The following CCDC171 variants were observed in gnomAD, a reference collection of about 807,000 sequenced individuals.
The protein encoded by CCDC171 is coiled-coil domain-containing protein 171.
CCDC171 carries 177 observed loss-of-function variants against 168.2 expected under a neutral mutation model. That is an observed-to-expected ratio of 1.05 (90% confidence interval 0.93 to 1.19). The LOEUF (loss-of-function observed/expected upper bound fraction) is 1.19, where lower values mean the gene tolerates loss of function less well. Ranked by LOEUF, CCDC171 falls within the 50% of genes most tolerant of loss-of-function variation. CCDC171 has a pLI of 0.00. For synonymous variants in CCDC171, 687 were observed against 540.8 expected (o/e 1.27, Z -3.75); for missense variants, 1,991 against 1,539.0 (o/e 1.29, Z -4.91).
At chr9:15,775,366 T>G (rs1488199549) in intron 18 of CCDC171, among the ~76,000 whole-genome samples, 1 of 152,210 alleles carries the variant, frequency 6.6e-6, no homozygotes, top group Non-Finnish European at 1.5e-5. Context: ...GTTTGTTTAT[T>G]TATTTATTCC....
At chr9:15,637,620 TC>T (rs890588851) in intron 7 of CCDC171, among the ~76,000 whole-genome samples, 5 of 69,392 alleles carry the variant, frequency 7.2e-5, no homozygotes, top group East Asian at 5.3e-4. Context: ...CCCTCCCCCC[TC>T]CCCCCACCCC....
intron 25 of CCDC171, among the ~76,000 whole-genome samples, chr9:15,928,109 G>C (rs1826088753): frequency 6.6e-6 from 1 of 151,612 alleles, no homozygotes; most frequent in Non-Finnish European, 1.5e-5. Flanking sequence ...CTGATTCCCT[G>C]TCAGGTGCTT....
At chr9:16,012,411 T>C (rs1487076765) in intron 3 of CCDC171, among the ~76,000 whole-genome samples, 5 of 152,332 alleles carry the variant, frequency 3.3e-5, no homozygotes, top group African/African-American at 1.2e-4. Flanking sequence ...CTTTGGTTGG[T>C]CAGAGGTTGG....
chr9:15,710,091 C>A, intron 11 of CCDC171, among the ~76,000 whole-genome samples: 1 of 152,018 alleles, frequency 6.6e-6, no homozygotes, highest in East Asian at 1.9e-4. Flanking sequence ...AAATATTTAA[C>A]TTTGACTCTA....
At chr9:15,910,446 C>G (rs1823456625) in intron 24 of CCDC171, among the ~76,000 whole-genome samples, 1 of 152,062 alleles carries the variant, frequency 6.6e-6, no homozygotes, top group African/African-American at 2.4e-5. Context: ...TGTGCTAGTA[C>G]CATGCTATTT....
intron 25 of CCDC171, among the ~76,000 whole-genome samples, chr9:15,924,753 C>A (rs1306632603): frequency 6.6e-6 from 1 of 151,452 alleles, no homozygotes. Context: ...GCTTTGGTAC[C>A]ATCTGACTTT....
chr9:15,560,520 G>A (rs906781163), intron 1 of CCDC171, among the ~76,000 whole-genome samples: 24 of 151,678 alleles, frequency 1.6e-4, no homozygotes, highest in African/African-American at 5.6e-4. Context: ...TGATCAAATC[G>A]GCTACTGAAG....
intron 3 of CCDC171, among the ~76,000 whole-genome samples, chr9:16,002,402 G>T (rs1322421544): frequency 6.6e-6 from 1 of 151,652 alleles, no homozygotes; most frequent in Non-Finnish European, 1.5e-5. Flanking sequence ...TAACAAAAAG[G>T]TTCAGAAATT....
At chr9:15,602,261 G>T (rs546910545) in intron 6 of CCDC171, among the ~76,000 whole-genome samples, 116 of 146,108 alleles carry the variant, frequency 7.9e-4, no homozygotes, top group Non-Finnish European at 1.1e-3. Context: ...CTGAGGGATA[G>T]AGTGAAATTT....
chr9:16,067,744 C>A, the CCDC171 span, among the ~76,000 whole-genome samples: 1 of 152,134 alleles, frequency 6.6e-6, no homozygotes, highest in African/African-American at 2.4e-5. Flanking sequence ...GCTCGTTTTT[C>A]TCAGGTTTGT....
chr9:15,805,545 G>T (rs1463239693), intron 21 of CCDC171, among the ~76,000 whole-genome samples: 1 of 152,094 alleles, frequency 6.6e-6, no homozygotes, highest in Non-Finnish European at 1.5e-5. Context: ...CCATGTAATT[G>T]TGTGTTTTCC....
intron 6 of CCDC171, among the ~76,000 whole-genome samples, chr9:15,622,251 A>G (rs1000031857): frequency 6.6e-6 from 1 of 152,196 alleles, no homozygotes; most frequent in Non-Finnish European, 1.5e-5. Context: ...TACCTATATA[A>G]CAAACCTACA....
rs140272674 is a variant in CCDC171, at chr9:15,737,932, C to T, written c.2050-6341C>T. ...GCAATGTCTGAGAGTTCCAATTTCC[C>T]TACAAAGTGTCCTTATTTTTTAACA... On this transcript the variant is annotated intron_variant, in intron 16 of 25. Transcript: ENST00000380701. Among the ~76,000 whole-genome samples the T allele has an allele frequency of 5.3e-4, 81 of 152,232 alleles. 2 individuals are homozygous for T. In the East Asian group the frequency reaches 7.5e-3, roughly 14 times the overall value.
At chr9:15,835,648 A>G (rs376285205) in intron 21 of CCDC171, among the ~76,000 whole-genome samples, 11 of 152,286 alleles carry the variant, frequency 7.2e-5, no homozygotes, top group African/African-American at 2.6e-4. Context: ...GCTGGTCTCG[A>G]ACTCCTGACC....
intron 7 of CCDC171, among the ~76,000 whole-genome samples, chr9:15,628,545 C>A (rs562744205): frequency 6.6e-6 from 1 of 152,332 alleles, no homozygotes; most frequent in African/African-American, 2.4e-5. Context: ...TTGGGTGGAG[C>A]CCACCACAGC....
the CCDC171 span, among the ~76,000 whole-genome samples, chr9:16,070,767 G>A: frequency 6.6e-6 from 1 of 152,110 alleles, no homozygotes; most frequent in African/African-American, 2.4e-5. Flanking sequence ...CTCCACCCTC[G>A]GCTTCTTAAA....
chr9:15,648,149 C>T (rs1315758469), intron 7 of CCDC171, among the ~76,000 whole-genome samples: 1 of 152,182 alleles, frequency 6.6e-6, no homozygotes. Context: ...ACAAAAATCA[C>T]ATGATTATCT....
intron 24 of CCDC171, among the ~76,000 whole-genome samples, chr9:15,907,098 T>C (rs1458103221): frequency 1.3e-5 from 2 of 152,130 alleles, no homozygotes; most frequent in Non-Finnish European, 2.9e-5. Flanking sequence ...AATTTAGAGA[T>C]TCAATGCCAT....
chr9:15,684,877 AGTCCCCT>A (rs1468220101), intron 10 of CCDC171, among the ~76,000 whole-genome samples: 1 of 152,162 alleles, frequency 6.6e-6, no homozygotes, highest in African/African-American at 2.4e-5. Flanking sequence ...TGATATTTTT[AGTCCCCT>A]GTTTACACTG....
Sources: gnomAD v4.1 joint callset for allele counts (sites outside exome capture counted in the v4.1 genomes callset) on GRCh38, gnomAD v4.1.1 for gene constraint, MANE v1.5 for transcripts, NCBI Gene and HGNC (gene_info 2026-07-23, HGNC 2026-07-21) for gene names.